NKAIN3: variants seen among roughly 807,000 people sequenced by gnomAD.
NKAIN3 encodes sodium/potassium transporting ATPase interacting 3.
In NKAIN3, 25 loss-of-function variants were observed where a neutral mutation model predicts 30.2. That is an observed-to-expected ratio of 0.83 (90% CI 0.60 to 1.16). The LOEUF is 1.16. Ranked by LOEUF, NKAIN3 falls within the 50% of genes most tolerant of loss-of-function variation. NKAIN3 has a pLI of 0.00. For missense variants in NKAIN3, 225 were observed against 254.1 expected (o/e 0.89, Z 0.78); for synonymous variants, 91 against 89.6 (o/e 1.02, Z -0.09).
intron 5 of NKAIN3, among the ~76,000 whole-genome samples, chr8:62,992,996 C>T (rs1004719608): frequency 2.6e-5 from 4 of 152,112 alleles, no homozygotes; most frequent in Non-Finnish European, 4.4e-5. Context: ...GACCCAGTCT[C>T]ATTCTGTGTT....
At chr8:62,420,985 G>A (rs1463065469) in intron 1 of NKAIN3, among the ~76,000 whole-genome samples, 1 of 152,148 alleles carries the variant, frequency 6.6e-6, no homozygotes. Flanking sequence ...TACTTCATGA[G>A]ATGACTATAT....
chr8:62,652,035 G>A (rs937033667), intron 3 of NKAIN3, among the ~76,000 whole-genome samples: 8 of 152,024 alleles, frequency 5.3e-5, no homozygotes, highest in Admixed American at 1.3e-4. Context: ...CACAAGAATG[G>A]CCTAACATAC....
At chr8:62,345,550 T>C (rs1443799909) in intron 1 of NKAIN3, among the ~76,000 whole-genome samples, 2 of 146,372 alleles carry the variant, frequency 1.4e-5, no homozygotes, top group African/African-American at 2.5e-5. Flanking sequence ...TATACACATA[T>C]ATGTATATAT....
At chr8:62,255,034 T>C (rs1383651911) in intron 1 of NKAIN3, among the ~76,000 whole-genome samples, 1 of 152,162 alleles carries the variant, frequency 6.6e-6, no homozygotes, top group Non-Finnish European at 1.5e-5. Flanking sequence ...AAAAGATACA[T>C]TGAAGTCCTA....
At chr8:62,715,763 T>A (rs1034473189) in intron 3 of NKAIN3, among the ~76,000 whole-genome samples, 21 of 152,146 alleles carry the variant, frequency 1.4e-4, no homozygotes, top group Non-Finnish European at 2.2e-4. Context: ...GGAGTTGGAT[T>A]TCAAGCCAAT....
chr8:62,444,737 G>C (rs886469782), intron 1 of NKAIN3, among the ~76,000 whole-genome samples: 1 of 151,932 alleles, frequency 6.6e-6, no homozygotes, highest in Admixed American at 6.6e-5. Context: ...TAACAAAATT[G>C]CTGAATCATG....
rs1585794040 is a variant in NKAIN3 at position 62,424,731 on chromosome 8, T to C, written c.55-154808T>C. 2.0e-5 allele frequency among the ~76,000 whole-genome samples: 3 copies of C among 152,046 alleles called. 1 individual carries two copies. The highest frequency in any genetic ancestry group is 2.0e-4 in the Admixed American group (3 of 15,234). On this transcript the variant is annotated intron_variant, in intron 1 of 6. Coordinates refer to ENST00000623646, the MANE Select transcript of NKAIN3 (RefSeq NM_001304533.3). ...AGTAATGTAGCCACTAGTAAAACAGTATGCAGTGTCCTTAGAAAATTAAAT... is the reference window on the plus strand; with the variant it reads ...AGTAATGTAGCCACTAGTAAAACAGCATGCAGTGTCCTTAGAAAATTAAAT...
intron 1 of NKAIN3, among the ~76,000 whole-genome samples, chr8:62,423,596 A>T (rs1346746332): frequency 6.6e-6 from 1 of 151,762 alleles, no homozygotes; most frequent in Non-Finnish European, 1.5e-5. Context: ...ACTAATATAG[A>T]GCTATTTTTG....
chr8:62,729,662 C>T (rs1444711520), intron 3 of NKAIN3, among the ~76,000 whole-genome samples: 1 of 152,002 alleles, frequency 6.6e-6, no homozygotes. Flanking sequence ...TGAAGTAACA[C>T]AGTATTTATT....
chr8:62,803,852 T>A (rs1477552923), intron 4 of NKAIN3, among the ~76,000 whole-genome samples: 1 of 151,920 alleles, frequency 6.6e-6, no homozygotes, highest in African/African-American at 2.4e-5. Flanking sequence ...ATCAACAAAA[T>A]TGATAGACTG....
intron 1 of NKAIN3, among the ~76,000 whole-genome samples, chr8:62,250,847 T>C (rs1812078736): frequency 6.6e-6 from 1 of 152,084 alleles, no homozygotes; most frequent in Non-Finnish European, 1.5e-5. Flanking sequence ...TCTTCCTTGG[T>C]GCTCCAGGTA....
chr8:62,349,273 C>T (rs1816108731), intron 1 of NKAIN3, among the ~76,000 whole-genome samples: 1 of 151,936 alleles, frequency 6.6e-6, no homozygotes, highest in Admixed American at 6.6e-5. Flanking sequence ...ATATTTAATC[C>T]CTCTAGGGAG....
chr8:62,906,857 G>C (rs1006089970), intron 4 of NKAIN3, among the ~76,000 whole-genome samples: 1 of 152,160 alleles, frequency 6.6e-6, no homozygotes, highest in Non-Finnish European at 1.5e-5. Context: ...AGCAGTGTGA[G>C]AACAGACTAA....
chr8:62,417,919 A>G (rs965701915), intron 1 of NKAIN3, among the ~76,000 whole-genome samples: 3 of 152,208 alleles, frequency 2.0e-5, no homozygotes, highest in Non-Finnish European at 4.4e-5. Flanking sequence ...ATTAAGGAAT[A>G]CAATCAAAAA....
chr8:62,834,164 A>G (rs1819284714), intron 4 of NKAIN3, among the ~76,000 whole-genome samples: 1 of 152,072 alleles, frequency 6.6e-6, no homozygotes, highest in Non-Finnish European at 1.5e-5. Context: ...TAGGCTTAGA[A>G]AGAACATACC....
chr8:62,731,816 C>G (rs980145223), intron 3 of NKAIN3, among the ~76,000 whole-genome samples: 1 of 152,168 alleles, frequency 6.6e-6, no homozygotes, highest in Non-Finnish European at 1.5e-5. Flanking sequence ...CTTTTCATCC[C>G]TCCCTCACAA....
chr8:62,574,574 G>A (rs1263719145), intron 1 of NKAIN3, among the ~76,000 whole-genome samples: 1 of 152,090 alleles, frequency 6.6e-6, no homozygotes, highest in Non-Finnish European at 1.5e-5. Context: ...CATAAAAACA[G>A]ACACATAGAT....
At chr8:62,845,312 T>TATATATATATATATATATATATATATAG (rs1299897352) in intron 4 of NKAIN3, among the ~76,000 whole-genome samples, 1 of 140,184 alleles carries the variant, frequency 7.1e-6, no homozygotes, top group Non-Finnish European at 1.5e-5. Context: ...TATATATATA[T>TATATATATATATATATATATATATATAG]AGTACCTAAT....
intron 1 of NKAIN3, among the ~76,000 whole-genome samples, chr8:62,334,397 T>C (rs1360281739): frequency 6.6e-6 from 1 of 152,092 alleles, no homozygotes; most frequent in Non-Finnish European, 1.5e-5. Flanking sequence ...TATCTTTACA[T>C]GGCCTTTACC....
Sources: allele counts gnomAD v4.1 joint callset (sites outside exome capture counted in the v4.1 genomes callset), GRCh38; gene constraint gnomAD v4.1.1; transcripts MANE v1.5; gene names NCBI Gene and HGNC (gene_info 2026-07-23, HGNC 2026-07-21).